The following KLK15 variants were observed in gnomAD, a reference collection of about 807,000 sequenced individuals.
The protein encoded by KLK15 is kallikrein-15.
KLK15 carries 19 observed loss-of-function variants against 21.1 expected under a neutral mutation model. That is an observed-to-expected ratio of 0.90 (90% CI 0.63 to 1.32). The LOEUF (loss-of-function observed/expected upper bound fraction) is 1.32, where lower values mean the gene tolerates loss of function less well. Ranked by LOEUF, KLK15 falls within the 40% of genes most tolerant of loss-of-function variation. KLK15 has a pLI of 0.00. For missense variants in KLK15, 345 were observed against 348.6 expected (o/e 0.99, Z 0.08); for synonymous variants, 141 against 141.5 (o/e 1.00, Z 0.03).
At chr19:50,827,189 G>A in intron 2 of KLK15, 28 bp from the exon 4 acceptor site, 1 of 1,554,574 alleles carries the variant, frequency 6.4e-7, no homozygotes, top group African/African-American at 1.3e-5. Context: ...TTTCCCGCCA[G>A]TGGAGTGCGG....
At position 50,827,620 on chromosome 19, in the gene KLK15, C is replaced by G. The variant is rs370464697; in HGVS notation, c.197+42G>C. ...CCCCAAATCTAGGAGCTCTTCCCCC[C>G]GAACCAGGCTCCCTCAGGACCCTGA... On this transcript the variant is annotated intron_variant, in intron 2 of 4. Coordinates refer to ENST00000598239, the Ensembl canonical transcript of KLK15. 67 of 1,591,586 alleles carry G rather than the reference C, an allele frequency of 4.2e-5. 4 individuals are homozygous for G. Among genetic ancestry groups the G allele is most frequent in the Non-Finnish European group, 5.7e-5 (66 of 1,163,568 alleles).
intron 4 of KLK15, 38 bp from the exon 6 acceptor site, chr19:50,825,986 C>T: frequency 6.3e-7 from 1 of 1,582,726 alleles, no homozygotes; most frequent in East Asian, 2.3e-5. Context: ...TGAGTGAAAC[C>T]TCCTGGATTC....
At chr19:50,828,937 C>G (rs113915665) in intron 1 of KLK15, among the ~76,000 whole-genome samples, 1 of 141,566 alleles carries the variant, frequency 7.1e-6, no homozygotes, top group Middle Eastern at 3.9e-3. Context: ...CCATTGCACT[C>G]CAGCCTGGGT....
At chr19:50,827,620 C>A (rs370464697) in intron 2 of KLK15, 42 bp downstream of exon 3, 1 of 1,591,704 alleles carries the variant, frequency 6.3e-7, no homozygotes, top group Non-Finnish European at 8.6e-7. Context: ...CTCTTCCCCC[C>A]GAACCAGGCT....
Position 50,827,116 on chromosome 19 carries a change from A to G in KLK15, c.243T>C (p.Asp81=), listed in dbSNP as rs776763218. 19 of 1,602,870 alleles carry G rather than the reference A, an allele frequency of 1.2e-5. No individual in the cohort carries two copies. In the South Asian group the frequency reaches 2.1e-4, roughly 18 times the overall value. Reference sequence around the variant, plus strand: ...ACGTGGTCCGTAGTTGCTCTGGGCCATCGCGCTTGCGCAGGTTGTGCTCTC... The same window carrying G: ...ACGTGGTCCGTAGTTGCTCTGGGCCGTCGCGCTTGCGCAGGTTGTGCTCTC... The change falls in exon 3 of 5, where the codon GAT becomes GAC. Residue 81 remains aspartate (D), a synonymous_variant. Coordinates refer to ENST00000598239, the Ensembl canonical transcript of KLK15.
At chr19:50,827,074 G>A (rs1455119387) in exon 3 of KLK15, 18 of 1,606,514 alleles carry the variant, frequency 1.1e-5, no homozygotes, top group Non-Finnish European at 1.4e-5. Flanking sequence ...CGTAGCGCGG[G>A]TGTGGAATGA....
intron 2 of KLK15, 62 bp downstream of exon 3, chr19:50,827,600 A>G: frequency 1.3e-6 from 2 of 1,548,160 alleles, no homozygotes; most frequent in South Asian, 1.1e-5. Flanking sequence ...TCTTCCCCCA[A>G]ATCTAGGAGC....
upstream of KLK15, among the ~76,000 whole-genome samples, chr19:50,832,430 C>T (rs919171460): frequency 2.8e-5 from 4 of 144,750 alleles, no homozygotes; most frequent in Admixed American, 2.9e-4. Flanking sequence ...TCAAGAGATT[C>T]TCCTGCCTCA....
chr19:50,826,405 AAACT>A (rs572247414), intron 4 of KLK15: 291 of 524,174 alleles, frequency 5.6e-4, no homozygotes, highest in Non-Finnish European at 7.8e-4. Flanking sequence ...ATGCCATCTC[AAACT>A]AACTATCACA....
At chr19:50,827,610 C>G in intron 2 of KLK15, 52 bp downstream of exon 3, 1 of 1,573,054 alleles carries the variant, frequency 6.4e-7, no homozygotes, top group Admixed American at 1.7e-5. Flanking sequence ...AATCTAGGAG[C>G]TCTTCCCCCC....
At chr19:50,832,326 T>TC (rs1555766939), upstream of KLK15, among the ~76,000 whole-genome samples, 11 of 61,116 alleles carry the variant, frequency 1.8e-4, 1 homozygote, top group South Asian at 6.0e-4. Context: ...TTTTTTCTTT[T>TC]TTTTTTTTTT....
exon 3 of KLK15, chr19:50,827,023 T>C: frequency 6.2e-7 from 1 of 1,606,090 alleles, no homozygotes; most frequent in South Asian, 1.1e-5. Context: ...CGGGCTGGAC[T>C]AGGCGCAGCA....
intron 1 of KLK15, among the ~76,000 whole-genome samples, chr19:50,828,969 CAAAAAAAAAA>C (rs3078002): frequency 3.5e-5 from 2 of 56,642 alleles, no homozygotes; most frequent in Non-Finnish European, 6.3e-5. Context: ...AACTCCATCT[CAAAAAAAAAA>C]AAAAAAAAAA....
exon 3 of KLK15, chr19:50,827,107 C>T (rs1318193111): frequency 1.2e-6 from 2 of 1,604,426 alleles, no homozygotes; most frequent in African/African-American, 2.7e-5. Context: ...TCCGTAGTTG[C>T]TCTGGGCCAT....
intron 1 of KLK15, 27 bp downstream of exon 2, chr19:50,831,423 C>T: frequency 1.4e-6 from 2 of 1,407,752 alleles, no homozygotes; most frequent in Non-Finnish European, 1.9e-6. Context: ...CTCCCACAGA[C>T]CTGGCCCCCT....
exon 3 of KLK15, chr19:50,827,037 T>C (rs749859872): frequency 3.1e-6 from 5 of 1,606,218 alleles, no homozygotes; most frequent in Non-Finnish European, 3.4e-6. Context: ...CGCAGCAACA[T>C]GATGTCGTTG....
upstream of KLK15, among the ~76,000 whole-genome samples, chr19:50,832,929 G>A (rs569035623): frequency 2.4e-4 from 36 of 152,172 alleles, no homozygotes; most frequent in Non-Finnish European, 3.2e-4. Context: ...GGAGGCCTCA[G>A]GAAGCTTTGA....
chr19:50,826,163 C>G, intron 4 of KLK15: 1 of 542,516 alleles, frequency 1.8e-6, no homozygotes, highest in Non-Finnish European at 3.2e-6. Context: ...ACTCACCCAA[C>G]CTATATCCAA....
intron 1 of KLK15, among the ~76,000 whole-genome samples, chr19:50,830,372 G>A (rs1250225315): frequency 1.3e-5 from 2 of 151,784 alleles, no homozygotes; most frequent in African/African-American, 2.4e-5. Context: ...GTCAGGAACT[G>A]GGCCAAAGGC....
Sources: allele counts gnomAD v4.1 joint callset (sites outside exome capture counted in the v4.1 genomes callset), GRCh38; gene constraint gnomAD v4.1.1; transcripts MANE v1.5; gene names NCBI Gene and HGNC (gene_info 2026-07-23, HGNC 2026-07-21).